The following ANO8 variants were observed in gnomAD, a reference collection of about 807,000 sequenced individuals.
ANO8 encodes the protein anoctamin-8.
A neutral mutation model predicts 120.4 loss-of-function variants in ANO8; 67 were observed. The ratio of observed to expected loss-of-function variants is 0.56; its 90% CI spans 0.46 to 0.68. ANO8 has a LOEUF of 0.68. ANO8 is among the 30% of genes least tolerant of loss of function. ANO8 has a pLI of 0.00. For missense variants in ANO8, 1,526 were observed against 1,737.6 expected, an observed-to-expected ratio of 0.88 and a Z score of 2.16; for synonymous variants, 727 against 759.2, an observed-to-expected ratio of 0.96 and a Z score of 0.70.
rs1599548899 is a variant in ANO8 at position 17,330,743 on chromosome 19, C to T, written c.993+85G>A. 8 of 1,513,874 alleles carry T rather than the reference C, an allele frequency of 5.3e-6. 1 individual carries two copies. The highest frequency in any genetic ancestry group is 6.2e-6 in the Non-Finnish European group (7 of 1,126,044). 93.8% of individuals were successfully genotyped at this position (1,513,874 alleles called of 1,614,324 possible). A position where few individuals can be genotyped will look rare whatever the true frequency, so the allele number is the denominator to read the frequency against. On this transcript the variant is annotated intron_variant, in intron 8 of 17. Transcript: ENST00000159087. ...TCTTTGATGAAACAATCCTGTTTCA[C>T]ACCTCTCTGCCTTTGCTCCTGCAGT...
chr19:17,326,643 T>C (rs1371441544), intron 16 of ANO8, among the ~76,000 whole-genome samples: 1 of 152,214 alleles, frequency 6.6e-6, no homozygotes, highest in East Asian at 1.9e-4. Context: ...ACGTGCTCAC[T>C]TATCACCTGT....
At chr19:17,324,085 G>A (rs1441964555) in intron 17 of ANO8, among the ~76,000 whole-genome samples, 1 of 152,160 alleles carries the variant, frequency 6.6e-6, no homozygotes, top group Non-Finnish European at 1.5e-5. Flanking sequence ...CCGGTCACAG[G>A]GGGAGGACAG....
Position 17,331,092 on chromosome 19 carries a change from T to C in ANO8, c.827A>G (p.Asp276Gly), listed in dbSNP as rs1192038902. 6 of 1,614,180 alleles carry C rather than the reference T, an allele frequency of 3.7e-6. No individual in the cohort carries two copies. Among genetic ancestry groups the C allele is most frequent in the South Asian group, 1.1e-5 (1 of 91,080 alleles). Residue 276 changes from aspartate (D) to glycine (G), a missense_variant, in exon 7 of 18, where the codon GAT becomes GGT. Coordinates refer to ENST00000159087, the MANE Select transcript of ANO8 (RefSeq NM_020959.3). ...TGCAGGGTCCCTGCCCAGTACCTGA[T>C]CAGCCTCTGTGAATGTGTACAGGAC... ...GSVLYTFTEA[D>G]QTSRDVSCVV...
chr19:17,330,790 TC>T (rs751045721), intron 8 of ANO8, 37 bp downstream of exon 8: 1 of 1,592,612 alleles, frequency 6.3e-7, no homozygotes, highest in South Asian at 1.1e-5. Context: ...TTTACCTTTG[TC>T]CTGTCTCCAT....
At position 17,328,354 on chromosome 19, in the gene ANO8, C is replaced by T. The variant is rs928460128; in HGVS notation, c.2034G>A (p.Leu678=). ...GSPEREPPAI[L]FRRAGGEGRD... ...GGCCCTCGCCCCCGGCCCGGCGGAA[C>T]AAGATGGCCGGGGGCTCCCGTTCAG... The change falls in exon 13 of 18, where the codon TTG becomes TTA. Residue 678 remains leucine, a synonymous_variant. Coordinates refer to ENST00000159087, the MANE Select transcript of ANO8 (RefSeq NM_020959.3). The T allele has an allele frequency of 6.3e-7, 1 of 1,577,162 alleles. No individual in the cohort carries two copies. The highest frequency in any genetic ancestry group is 8.6e-7 in the Non-Finnish European group (1 of 1,165,388).
rs1568360131 is a variant in ANO8, at chr19:17,328,609, CTCGTCCTCCTCCTCCTCG to C, written c.1761_1778del (p.Asp587_Asp592del). 1.9e-6 allele frequency: 3 copies of C among 1,542,034 alleles called. No homozygotes were observed. Among genetic ancestry groups the C allele is most frequent in the Admixed American group, 3.9e-5 (2 of 50,654 alleles). The stretch of plus-strand genomic sequence containing the variant: ...CCTCCTCCTCGTCCTCCTCTTCCTC[CTCGTCCTCCTCCTCCTCG>C]TCGTCCTCGTCCTCCTCCTTGCCCC... On this transcript the variant is annotated inframe_deletion, in exon 13 of 18. Transcript: ENST00000159087.
In ANO8 at chr19:17,327,703, T is replaced by C. The variant is rs1273197649; in HGVS notation, c.2404A>G (p.Ile802Val). 1 of 1,613,442 alleles carries C rather than the reference T, an allele frequency of 6.2e-7. No individual in the cohort carries two copies. The highest frequency in any genetic ancestry group is 1.1e-5 in the South Asian group (1 of 91,020). ...QRPFGQRVESIGQWQKVMEAM... is the reference protein window; with the variant it reads ...QRPFGQRVESVGQWQKVMEAM... ...CTTCCCCCCACCTGCCACTGGCCGA[T>C]GCTTTCCACGCGCTGGCCGAAGGGC... The change falls in exon 14 of 18, where the codon ATC becomes GTC. Residue 802 changes from isoleucine to valine, a missense_variant. Physicochemically the swap from Ile to Val is conservative, Grantham distance 29 (BLOSUM62 3). Around this residue, in one of 8 missense-constraint regions of ANO8, gnomAD observed 77 missense variants for 131.5 expected, o/e 0.59. Coordinates refer to ENST00000159087, the MANE Select transcript of ANO8 (RefSeq NM_020959.3).
At chr19:17,329,658 G>A (rs2074302265) in intron 12 of ANO8, 99 bp downstream of exon 12, 2 of 841,296 alleles carry the variant, frequency 2.4e-6, no homozygotes, top group Admixed American at 2.3e-5. Flanking sequence ...GAGGAGGGGA[G>A]GGAGGGGCTG....
chr19:17,330,497 C>G lies in ANO8; in HGVS notation c.1001G>C (p.Arg334Pro), dbSNP rs1213125294. 6.6e-7 allele frequency: 1 copy of G among 1,524,720 alleles called. No homozygotes were observed. The allele number at this position is 1,524,720 out of a possible 1,614,324, so 94.4% of individuals were successfully genotyped here. ...EEPRPQFRGV[R>P]RISPITRAEE... ...GGCCCGCGTGATGGGGCTGATACGT[C>G]GCACGCCCTGATGGTGGGCAAAGAC... Residue 334 changes from arginine (R) to proline (P), a missense_variant, in exon 9 of 18, where the codon CGA (arginine) becomes CCA (proline). By Grantham distance (103) the Arg-to-Pro change is moderately radical (BLOSUM62 -2). Transcript: ENST00000159087.
chr19:17,331,406 C>T lies in ANO8; in HGVS notation c.592G>A (p.Glu198Lys), dbSNP rs964710216. 6.8e-6 allele frequency: 11 copies of T among 1,613,392 alleles called. No homozygotes were observed. Among genetic ancestry groups the T allele is most frequent in the Non-Finnish European group, 9.3e-6 (11 of 1,179,958 alleles). ...TGGATGATCCCACGTGCTGCCAGCT[C>T]CGGGACTGTGGAGGGAGGAGCACAG... Reference protein sequence around the residue: ...RFLEDQPIIPELAARGIIQQV... With the variant: ...RFLEDQPIIPKLAARGIIQQV... The change falls in exon 6 of 18, where the codon GAG (glutamate) becomes AAG (lysine). Residue 198 changes from glutamate (E) to lysine (K), a missense_variant. Coordinates refer to ENST00000159087, the MANE Select transcript of ANO8 (RefSeq NM_020959.3).
chr19:17,333,805 G>T lies in ANO8; in HGVS notation c.107-5C>A. On this transcript the variant is annotated splice_polypyrimidine_tract_variant and splice_region_variant and intron_variant, in intron 1 of 17. Coordinates refer to ENST00000159087, the MANE Select transcript of ANO8 (RefSeq NM_020959.3). This position sits in a 1 kb window ranked among gnomAD's most constrained non-coding sequence, Gnocchi z 7.2. Reference sequence around the variant, plus strand: ...GCCGCTTTCCGAAAAGCTTATCTAGGGGGCGGCGTAGCAGGCCCGGGTCAG... The same window carrying T: ...GCCGCTTTCCGAAAAGCTTATCTAGTGGGCGGCGTAGCAGGCCCGGGTCAG... 1 of 1,583,364 alleles carries T rather than the reference G, an allele frequency of 6.3e-7. No homozygotes were observed. The highest frequency in any genetic ancestry group is 1.8e-5 in the Admixed American group (1 of 55,946).
In ANO8 at chr19:17,323,528, C is replaced by T; in HGVS notation, c.3688G>A (p.Gly1230Ser). 1 of 1,286,784 alleles carries T rather than the reference C, an allele frequency of 7.8e-7. No homozygotes were observed. The highest frequency in any genetic ancestry group is 1.5e-5 in the African/African-American group (1 of 65,700). 79.7% of individuals were successfully genotyped at this position (1,286,784 alleles called of 1,614,324 possible). A position where few individuals can be genotyped will look rare whatever the true frequency, so the allele number is the denominator to read the frequency against. The change falls in exon 18 of 18, where the codon GGC (glycine) becomes AGC (serine). Residue 1230 changes from glycine (G) to serine (S), a missense_variant. Physicochemically the swap from Gly to Ser is moderately conservative, Grantham distance 56. Transcript: ENST00000159087. ...PSPQAVCWPS[G>S]WH Reference sequence around the variant, plus strand: ...CAGGGCGGGTAGAGCTAATGCCAGCCGCTGGGCCAGCACACGGCCTGGGGG... The same window carrying T: ...CAGGGCGGGTAGAGCTAATGCCAGCTGCTGGGCCAGCACACGGCCTGGGGG...
Position 17,323,613 on chromosome 19 carries a change from C to T in ANO8, c.3603G>A (p.Pro1201=), listed in dbSNP as rs2074252452. 8 of 822,720 alleles carry T rather than the reference C, an allele frequency of 9.7e-6. No homozygotes were observed. Among genetic ancestry groups the T allele is most frequent in the Non-Finnish European group, 1.1e-5 (8 of 719,642 alleles). The allele number at this position is 822,720 out of a possible 1,614,324, so 51.0% of individuals were successfully genotyped here. A position where few individuals can be genotyped will look rare whatever the true frequency, so the allele number is the denominator to read the frequency against. ...CGAGGGGATCCGAGGTGGGCGGTAG[C>T]GGTGGGGGCGGGAGGCTGTAAAAGC... ...DASFYSLPPP[P]LPPTSDPLET... The change falls in exon 18 of 18, where the codon CCG becomes CCA. Residue 1201 remains proline (P), a synonymous_variant. Transcript: ENST00000159087.
chr19:17,325,413 G>A (rs776615610), intron 16 of ANO8, 27 bp from the exon 17 acceptor site: 4 of 1,549,792 alleles, frequency 2.6e-6, no homozygotes, highest in East Asian at 2.3e-5. Context: ...GCCGTTACAG[G>A]ACTAAGAAGA....
chr19:17,324,739 G>T lies in ANO8; in HGVS notation c.3309C>A (p.Pro1103=). ...DEALAEELEA[P]RPEEEGSGTA... is the part of the protein sequence containing the mutation. The stretch of plus-strand genomic sequence containing the variant: ...GACCTGAGCCTTCCTCTTCGGGCCG[G>T]GGGGCTTCCAGCTCCTCAGCCAGGG... The change falls in exon 17 of 18, where the codon CCC becomes CCA. Residue 1103 remains proline, a synonymous_variant. Transcript: ENST00000159087. 6.5e-7 allele frequency: 1 copy of T among 1,528,858 alleles called. No individual in the cohort carries two copies. The highest frequency in any genetic ancestry group is 1.3e-5 in the South Asian group (1 of 76,776). 94.7% of individuals were successfully genotyped at this position (1,528,858 alleles called of 1,614,324 possible).
chr19:17,326,330 C>T (rs2074273535), intron 16 of ANO8, among the ~76,000 whole-genome samples: 1 of 152,076 alleles, frequency 6.6e-6, no homozygotes, highest in Admixed American at 6.6e-5. Context: ...GGTGAAACCC[C>T]ATCTCTATTA....
chr19:17,334,511 C>T (rs1191344469), intron 1 of ANO8, 54 bp downstream of exon 1: 10 of 1,413,110 alleles, frequency 7.1e-6, no homozygotes, highest in South Asian at 1.3e-5. Context: ...GTGTAGTTGA[C>T]GCGGGCTCCC....
At position 17,334,683 on chromosome 19, in the gene ANO8, T is replaced by G; in HGVS notation, c.-13A>C. ...CGGCCTCGGCCATGGCGAGGACAGG[T>G]CAGGTCAGGGGCTACGGACGGCCCG... is the stretch of plus-strand genomic sequence containing the variant. On this transcript the variant is annotated 5_prime_UTR_variant, in exon 1 of 18. Transcript: ENST00000159087. The G allele has an allele frequency of 1.4e-6, 2 of 1,429,050 alleles. No homozygotes were observed. Among genetic ancestry groups the G allele is most frequent in the Middle Eastern group, 2.5e-4 (1 of 3,928 alleles). The allele number at this position is 1,429,050 out of a possible 1,614,324, so 88.5% of individuals were successfully genotyped here.
intron 5 of ANO8, 103 bp downstream of exon 5, chr19:17,332,827 G>A: frequency 7.6e-7 from 1 of 1,317,402 alleles, no homozygotes; most frequent in Non-Finnish European, 1.1e-6. Flanking sequence ...GCCAACCCCT[G>A]ACTGGTTGGA....
Sources: gnomAD v4.1 joint callset for allele counts (sites outside exome capture counted in the v4.1 genomes callset) on GRCh38, gnomAD v4.1.1 for gene constraint, gnomAD v4.1.1 regional missense constraint, Gnocchi (gnomAD v3.1) non-coding constraint, MANE v1.5 for transcripts, NCBI Gene and HGNC (gene_info 2026-07-23, HGNC 2026-07-21) for gene names.